SLC25A10: variants seen among roughly 807,000 people sequenced by gnomAD.
SLC25A10 encodes the protein mitochondrial dicarboxylate carrier.
A neutral mutation model predicts 40.4 loss-of-function variants in SLC25A10; 32 were observed. That is an observed-to-expected ratio of 0.79 (90% CI 0.60 to 1.06). The LOEUF is 1.06. Among genes scored for constraint, SLC25A10 ranks in the 50% least tolerant of loss-of-function variants. The pLI, the probability that SLC25A10 is intolerant of heterozygous loss-of-function variation, is 0.00. For synonymous variants in SLC25A10, 181 were observed against 171.1 expected (o/e 1.06, Z -0.45); for missense variants, 394 against 402.6 (o/e 0.98, Z 0.18).
intron 7 of SLC25A10, 22 bp from the exon 8 acceptor site, chr17:81,717,377 G>T: frequency 6.2e-7 from 1 of 1,612,344 alleles, no homozygotes; most frequent in South Asian, 1.1e-5. Context: ...CTACAGCCCT[G>T]ACCGCCCTTG....
rs868708586 is a variant in SLC25A10 at position 81,718,676 on chromosome 17, A to G, written c.705+815A>G. On this transcript the variant is annotated intron_variant, in intron 9 of 10. Coordinates refer to ENST00000350690, the MANE Select transcript of SLC25A10 (RefSeq NM_012140.5). ...TTAAAACATTTCTTTTCGGCCAGGC[A>G]CGGTGGCTCACGCCTGTAATCCCAA... 3.3e-5 allele frequency among the ~76,000 whole-genome samples: 5 copies of G among 149,292 alleles called. No individual in the cohort carries two copies. In the East Asian group the frequency reaches 1.0e-3, roughly 31 times the overall value.
Position 81,714,956 on chromosome 17 carries a change from C to T in SLC25A10, c.97C>T (p.His33Tyr), listed in dbSNP as rs1353207175. The T allele has an allele frequency of 1.2e-6, 2 of 1,607,934 alleles. No individual in the cohort carries two copies. The highest frequency in any genetic ancestry group is 1.7e-5 in the Admixed American group (1 of 60,006). ...CTGAGAGCACTCACTCCCGCAGGTG[C>T]ATCTGCAGACGCAGCAGGAGGTGAA... ...CTHPLDLLKV[H>Y]LQTQQEVKLR... Residue 33 changes from histidine to tyrosine, a missense_variant, in exon 2 of 11, where the codon CAT becomes TAT. By Grantham distance (83) the His-to-Tyr change is moderately conservative. Transcript: ENST00000350690.
In SLC25A10 at chr17:81,712,350, G is replaced by C. The variant is rs2037396603; in HGVS notation, c.-77G>C. On this transcript the variant is annotated 5_prime_UTR_variant, in exon 1 of 11. Transcript: ENST00000350690. Reference sequence around the variant, plus strand: ...AACCGGGCGCGGGGCGCGGGGCGCGGGGCGCTGCGGCCGGTACACGCCGGG... The same window carrying C: ...AACCGGGCGCGGGGCGCGGGGCGCGCGGCGCTGCGGCCGGTACACGCCGGG... 2 of 983,060 alleles carry C rather than the reference G, an allele frequency of 2.0e-6. No homozygotes were observed. The highest frequency in any genetic ancestry group is 2.6e-6 in the Non-Finnish European group (2 of 772,324). 60.9% of individuals were successfully genotyped at this position (983,060 alleles called of 1,614,324 possible). A position where few individuals can be genotyped will look rare whatever the true frequency, so the allele number is the denominator to read the frequency against.
intron 1 of SLC25A10, among the ~76,000 whole-genome samples, chr17:81,712,757 C>T (rs1400458843): frequency 6.6e-6 from 1 of 152,238 alleles, no homozygotes; most frequent in Admixed American, 6.5e-5. Context: ...GCCGGCTTCC[C>T]AGTTCTCGGC....
intron 1 of SLC25A10, among the ~76,000 whole-genome samples, chr17:81,713,960 G>A (rs926010242): frequency 2.0e-5 from 3 of 152,212 alleles, no homozygotes; most frequent in East Asian, 1.9e-4. Flanking sequence ...CTGCCTGGCC[G>A]TCGGAAAGAT....
At chr17:81,714,866 C>T (rs1269929169) in intron 1 of SLC25A10, 87 bp from the exon 2 acceptor site, 13 of 1,553,390 alleles carry the variant, frequency 8.4e-6, no homozygotes, top group African/African-American at 4.0e-5. Flanking sequence ...TTATCACTGC[C>T]TCCTGCCTCA....
Position 81,717,408 on chromosome 17 carries a change from T to G in SLC25A10, c.544T>G (p.Tyr182Asp), listed in dbSNP as rs1568231382. The change falls in exon 8 of 11, where the codon TAC becomes GAC. Residue 182 changes from tyrosine to aspartate, a missense_variant. By Grantham distance (160) the Tyr-to-Asp change is radical. Coordinates refer to ENST00000350690, the MANE Select transcript of SLC25A10 (RefSeq NM_012140.5). ...CCTTGTGCCCCTGCAGCTGTCCTGC[T>G]ACGACCAGGCCAAGCAGCTGGTCCT... is the stretch of plus-strand genomic sequence containing the variant. Reference protein sequence around the residue: ...ALVTVGQLSCYDQAKQLVLST... With the variant: ...ALVTVGQLSCDDQAKQLVLST... 6.2e-7 allele frequency: 1 copy of G among 1,613,436 alleles called. No homozygotes were observed. The highest frequency in any genetic ancestry group is 1.1e-5 in the South Asian group (1 of 91,086).
At position 81,720,131 on chromosome 17, in the gene SLC25A10, G is replaced by T; in HGVS notation, c.*54G>T. On this transcript the variant is annotated 3_prime_UTR_variant, in exon 11 of 11. Transcript: ENST00000350690. Reference sequence around the variant, plus strand: ...GCCAGACACGCTAGGTTCTTCCAAAGAGTCCCAAGCCCAGCACCTGCTCCT... The same window carrying T: ...GCCAGACACGCTAGGTTCTTCCAAATAGTCCCAAGCCCAGCACCTGCTCCT... 1 of 1,604,126 alleles carries T rather than the reference G, an allele frequency of 6.2e-7. No individual in the cohort carries two copies. The highest frequency in any genetic ancestry group is 8.5e-7 in the Non-Finnish European group (1 of 1,178,844).
At chr17:81,716,787 T>C (rs751328001) in intron 5 of SLC25A10, 25 bp from the exon 6 acceptor site, 10 of 1,599,576 alleles carry the variant, frequency 6.3e-6, no homozygotes, top group Admixed American at 1.7e-5. Flanking sequence ...GGGAGTCTCA[T>C]GTGGTCATTC....
rs2037399535 is a variant in SLC25A10, at chr17:81,712,425, C to T, written c.-2C>T. ...CGGGCCGGGATTGGGCTCTCCTGGG[C>T]CATGGCAGCCGAGGCGCGCGTGTCG... is the stretch of plus-strand genomic sequence containing the variant. On this transcript the variant is annotated 5_prime_UTR_variant, in exon 1 of 11. Coordinates refer to ENST00000350690, the MANE Select transcript of SLC25A10 (RefSeq NM_012140.5). 2 of 1,301,908 alleles carry T rather than the reference C, an allele frequency of 1.5e-6. No homozygotes were observed. Among genetic ancestry groups the T allele is most frequent in the Non-Finnish European group, 9.7e-7 (1 of 1,026,906 alleles). 80.6% of individuals were successfully genotyped at this position (1,301,908 alleles called of 1,614,324 possible).
intron 7 of SLC25A10, 35 bp downstream of exon 7, chr17:81,717,107 C>T: frequency 1.9e-6 from 3 of 1,590,898 alleles, no homozygotes. Context: ...GTGGGCAGTG[C>T]CTGTGACCAC....
chr17:81,713,918 G>C (rs1050178999), intron 1 of SLC25A10, among the ~76,000 whole-genome samples: 1 of 152,244 alleles, frequency 6.6e-6, no homozygotes, highest in Admixed American at 6.5e-5. Context: ...TGTGGTCAGG[G>C]TGTGCTCCTG....
intron 1 of SLC25A10, chr17:81,713,476 G>A: frequency 2.0e-6 from 2 of 985,468 alleles, no homozygotes; most frequent in Non-Finnish European, 1.2e-6. Context: ...TTACTAATGA[G>A]CAACAATGCT....
chr17:81,717,739 G>GC (rs749639301), intron 8 of SLC25A10, 45 bp from the exon 9 acceptor site: 12 of 1,591,942 alleles, frequency 7.5e-6, no homozygotes, highest in Non-Finnish European at 9.4e-6. Context: ...CGGCGATGGT[G>GC]CCTGGCGTAC....
At chr17:81,716,387 C>T (rs964038292) in intron 5 of SLC25A10, among the ~76,000 whole-genome samples, 2 of 152,200 alleles carry the variant, frequency 1.3e-5, no homozygotes, top group African/African-American at 2.4e-5. Context: ...CAGCTCAGGG[C>T]AGCTGTGCCC....
chr17:81,719,711 A>ACCCACAC, intron 9 of SLC25A10, 120 bp from the exon 10 acceptor site: 2 of 1,227,396 alleles, frequency 1.6e-6, no homozygotes, highest in East Asian at 4.7e-5. Flanking sequence ...CCACACCCAC[A>ACCCACAC]CCCACACCCC....
chr17:81,715,337 A>C, intron 2 of SLC25A10, 141 bp from the exon 3 acceptor site: 1 of 833,384 alleles, frequency 1.2e-6, no homozygotes, highest in South Asian at 1.6e-5. Flanking sequence ...GCTCAGCCGC[A>C]TGCTGGCACA....
chr17:81,714,861 A>G (rs1197079359), intron 1 of SLC25A10, 92 bp from the exon 2 acceptor site: 8 of 1,543,692 alleles, frequency 5.2e-6, no homozygotes, highest in Non-Finnish European at 7.0e-6. Flanking sequence ...AGGCCTTATC[A>G]CTGCCTCCTG....
rs2037480420 is a variant in SLC25A10, at chr17:81,716,045, G to A, written c.414G>A (p.Arg138=). Residue 138 remains arginine, a synonymous_variant, in exon 5 of 11, where the codon CGG becomes CGA. Transcript: ENST00000350690. ...QNDVKLPQGQ[R]RNYAHALDGL... is the part of the protein sequence containing the mutation. ...ACGTGAAGCTGCCCCAGGGTCAGCG[G>A]CGCAAGTGAGTCATGGGCGGCCTTC... 1 of 1,598,370 alleles carries A rather than the reference G, an allele frequency of 6.3e-7. No homozygotes were observed. The highest frequency in any genetic ancestry group is 8.5e-7 in the Non-Finnish European group (1 of 1,172,726).
Sources: gnomAD v4.1 joint callset for allele counts (sites outside exome capture counted in the v4.1 genomes callset) on GRCh38, gnomAD v4.1.1 for gene constraint, MANE v1.5 for transcripts, NCBI Gene and HGNC (gene_info 2026-07-23, HGNC 2026-07-21) for gene names.